The following IRAK1BP1 variants were observed in gnomAD, a reference collection of about 807,000 sequenced individuals.
The protein encoded by IRAK1BP1 is interleukin 1 receptor associated kinase 1 binding protein 1.
In IRAK1BP1, 24 loss-of-function variants were observed where a neutral mutation model predicts 28.0. The observed-to-expected ratio is 0.86, with a 90% CI of 0.62 to 1.20. IRAK1BP1 has a LOEUF of 1.20. IRAK1BP1 is among the 50% of genes most tolerant of loss of function. The pLI, the probability that IRAK1BP1 is intolerant of heterozygous loss-of-function variation, is 0.00. For missense variants in IRAK1BP1, 336 were observed against 316.7 expected, an observed-to-expected ratio of 1.06 and a Z score of -0.46; for synonymous variants, 131 against 116.3, an observed-to-expected ratio of 1.13 and a Z score of -0.81.
At chr6:78,923,996 A>G (rs1772816712) in intron 4 of IRAK1BP1, among the ~76,000 whole-genome samples, 1 of 152,220 alleles carries the variant, frequency 6.6e-6, no homozygotes, top group Non-Finnish European at 1.5e-5. Flanking sequence ...CCCTAACATT[A>G]CAATTAAAAG....
At chr6:78,928,715 T>TA (rs1240407652) in intron 4 of IRAK1BP1, among the ~76,000 whole-genome samples, 1 of 152,178 alleles carries the variant, frequency 6.6e-6, no homozygotes, top group African/African-American at 2.4e-5. Flanking sequence ...TCTTGAGCAT[T>TA]TTTATCATGA....
At chr6:78,873,484 T>G (rs1770871816) in intron 1 of IRAK1BP1, among the ~76,000 whole-genome samples, 1 of 145,448 alleles carries the variant, frequency 6.9e-6, no homozygotes, top group Non-Finnish European at 1.5e-5. Context: ...GCTATATAAC[T>G]TTTTTTTTTT....
the IRAK1BP1 span, among the ~76,000 whole-genome samples, chr6:78,960,879 G>A: frequency 6.6e-6 from 1 of 151,942 alleles, no homozygotes; most frequent in African/African-American, 2.4e-5. Context: ...TACAAAATAT[G>A]AATAAAGCTT....
the IRAK1BP1 span, chr6:78,965,909 C>T: frequency 1.4e-6 from 2 of 1,470,840 alleles, no homozygotes; most frequent in Non-Finnish European, 1.9e-6. Flanking sequence ...TCAAAGCAAG[C>T]CTAGGTGAAC....
At position 78,915,310 on chromosome 6, in the gene IRAK1BP1, G is replaced by A. The variant is rs376038343; in HGVS notation, c.*67+12200G>A. ...TTCTAACAATATAATTCATCAAGAAGTTGGAAAATATGGCAATAGTGTAAG... is the reference window on the plus strand; with the variant it reads ...TTCTAACAATATAATTCATCAAGAAATTGGAAAATATGGCAATAGTGTAAG... On this transcript the variant is annotated intron_variant and NMD_transcript_variant, in intron 4 of 4. Transcript: ENST00000606868. 1.7e-4 allele frequency among the ~76,000 whole-genome samples: 26 copies of A among 152,316 alleles called. No individual in the cohort carries two copies. In the East Asian group the frequency reaches 4.1e-3, roughly 24 times the overall value.
At chr6:78,918,774 C>T (rs1772639501) in intron 4 of IRAK1BP1, among the ~76,000 whole-genome samples, 1 of 152,104 alleles carries the variant, frequency 6.6e-6, no homozygotes, top group South Asian at 2.1e-4. Flanking sequence ...TCAACACCCT[C>T]CTGACAGCAC....
intron 4 of IRAK1BP1, among the ~76,000 whole-genome samples, chr6:78,919,018 G>A (rs565913037): frequency 6.6e-6 from 1 of 152,160 alleles, no homozygotes; most frequent in East Asian, 1.9e-4. Flanking sequence ...GACCACAGTG[G>A]AATAAAAATA....
downstream of IRAK1BP1, among the ~76,000 whole-genome samples, chr6:78,904,142 T>C (rs987136540): frequency 6.6e-6 from 1 of 152,244 alleles, no homozygotes; most frequent in African/African-American, 2.4e-5. Flanking sequence ...AGGACACATA[T>C]TCAAACTGTG....
the IRAK1BP1 span, among the ~76,000 whole-genome samples, chr6:78,973,319 G>T: frequency 6.6e-6 from 1 of 150,558 alleles, no homozygotes; most frequent in Non-Finnish European, 1.5e-5. Flanking sequence ...TTACAGACAA[G>T]CAAATGCTGA....
At chr6:78,924,333 C>A (rs142762241) in intron 4 of IRAK1BP1, among the ~76,000 whole-genome samples, 52 of 152,268 alleles carry the variant, frequency 3.4e-4, no homozygotes, top group Non-Finnish European at 6.6e-4. Flanking sequence ...TGGATAAATT[C>A]CTCAACACAT....
chr6:78,936,564 C>T (rs1338879228), intron 4 of IRAK1BP1: 4 of 151,836 alleles, frequency 2.6e-5, no homozygotes, highest in Non-Finnish European at 5.9e-5. Context: ...CAGCCATGCA[C>T]TAAGTATTTG....
chr6:78,961,419 A>G, the IRAK1BP1 span, among the ~76,000 whole-genome samples: 3 of 152,248 alleles, frequency 2.0e-5, no homozygotes, highest in South Asian at 4.1e-4. Flanking sequence ...AAATCATGTC[A>G]GCCTCTAGGA....
At chr6:78,935,238 TA>T (rs1281932009) in intron 4 of IRAK1BP1, among the ~76,000 whole-genome samples, 1 of 152,266 alleles carries the variant, frequency 6.6e-6, no homozygotes. Context: ...CTTAGAAATT[TA>T]TTATATACAA....
At chr6:78,873,101 T>G (rs2127665479) in intron 1 of IRAK1BP1, among the ~76,000 whole-genome samples, 1 of 151,358 alleles carries the variant, frequency 6.6e-6, no homozygotes, top group South Asian at 2.1e-4. Context: ...ACTAAAAATA[T>G]AAAAATTAGC....
At chr6:78,956,639 A>T in the IRAK1BP1 span, 10 of 152,182 alleles carry the variant, frequency 6.6e-5, no homozygotes, top group East Asian at 1.9e-3. Context: ...TCTCCAATTT[A>T]TATTACCCTT....
At chr6:78,974,419 A>C in the IRAK1BP1 span, among the ~76,000 whole-genome samples, 1 of 152,000 alleles carries the variant, frequency 6.6e-6, no homozygotes, top group Non-Finnish European at 1.5e-5. Context: ...CCACAAGAGT[A>C]AGCAGGAAAG....
intron 4 of IRAK1BP1, among the ~76,000 whole-genome samples, chr6:78,934,206 A>T (rs763889554): frequency 1.3e-5 from 2 of 152,202 alleles, no homozygotes; most frequent in Non-Finnish European, 2.9e-5. Context: ...GGTTTGTGGC[A>T]CCTCAAAACA....
At chr6:78,945,823 A>C in exon 5 of IRAK1BP1, 1 of 619,022 alleles carries the variant, frequency 1.6e-6, no homozygotes, top group Non-Finnish European at 2.8e-6. Flanking sequence ...TAATGACCTA[A>C]ACCTCAATTT....
the IRAK1BP1 span, among the ~76,000 whole-genome samples, chr6:78,951,897 T>C: frequency 6.6e-6 from 1 of 152,216 alleles, no homozygotes; most frequent in Non-Finnish European, 1.5e-5. Flanking sequence ...TAAATAGCTA[T>C]AAATAGTTTT....
Sources: allele counts gnomAD v4.1 joint callset (sites outside exome capture counted in the v4.1 genomes callset), GRCh38; gene constraint gnomAD v4.1.1; transcripts MANE v1.5; gene names NCBI Gene and HGNC (gene_info 2026-07-23, HGNC 2026-07-21).